Variants in NOL4 observed in about 807,000 individuals in gnomAD.
NOL4 encodes the protein nucleolar protein 4, also known as cancer/testis antigen 125.
NOL4 carries 17 observed loss-of-function variants against 75.9 expected under a neutral mutation model. The observed-to-expected ratio is 0.22, with a 90% CI of 0.15 to 0.34. The LOEUF (loss-of-function observed/expected upper bound fraction) is 0.34. Among genes scored for constraint, NOL4 ranks in the 10% least tolerant of loss-of-function variants. NOL4 has a pLI of 1.00. For synonymous variants in NOL4, 292 were observed against 289.9 expected (o/e 1.01, Z -0.07); for missense variants, 614 against 793.5 (o/e 0.77, Z 2.72).
intron 6 of NOL4, among the ~76,000 whole-genome samples, chr18:33,981,642 G>A (rs919332550): frequency 2.0e-5 from 3 of 152,068 alleles, no homozygotes; most frequent in Admixed American, 6.6e-5. Context: ...AAAATAATAA[G>A]AGAATGTGTT....
intron 6 of NOL4, among the ~76,000 whole-genome samples, chr18:33,970,230 C>T (rs2070943607): frequency 1.3e-5 from 2 of 152,092 alleles, no homozygotes; most frequent in South Asian, 4.1e-4. Flanking sequence ...TATATTTATC[C>T]ATTCTAAAAA....
At position 34,104,152 on chromosome 18, in the gene NOL4, T is replaced by C. The variant is rs567359597; in HGVS notation, c.534A>G (p.Gly178=). 1 of 1,603,838 alleles carries C rather than the reference T, an allele frequency of 6.2e-7. No individual in the cohort carries two copies. Among genetic ancestry groups the C allele is most frequent in the South Asian group, 1.1e-5 (1 of 90,806 alleles). ...NPDGTDHKDN[G]KPPTLVTSMI... ...TGCTGGTCACCAAAGTGGGAGGTTT[T>C]CCATTATCTGTAATAAAACATTTTT... The change falls in exon 4 of 11, where the codon GGA becomes GGG. Residue 178 remains glycine (G), a synonymous_variant. Transcript: ENST00000261592.
intron 5 of NOL4, among the ~76,000 whole-genome samples, chr18:34,035,546 A>G (rs1404657737): frequency 3.3e-5 from 5 of 152,186 alleles, no homozygotes; most frequent in South Asian, 2.1e-4. Context: ...AATAATGTAG[A>G]TTTCAAATAA....
At chr18:34,187,006 TCA>T (rs2034510996) in intron 1 of NOL4, among the ~76,000 whole-genome samples, 1 of 152,184 alleles carries the variant, frequency 6.6e-6, no homozygotes, top group Admixed American at 6.5e-5. Flanking sequence ...GGTACTTCCA[TCA>T]CAGTTGATGA....
intron 7 of NOL4, 56 bp from the exon 8 acceptor site, chr18:33,957,573 C>G: frequency 7.5e-7 from 1 of 1,336,836 alleles, no homozygotes; most frequent in African/African-American, 1.5e-5. Flanking sequence ...CTCTTCTGTT[C>G]CTAGCTTCCT....
At chr18:34,154,301 T>C (rs2029927743) in intron 1 of NOL4, among the ~76,000 whole-genome samples, 1 of 152,040 alleles carries the variant, frequency 6.6e-6, no homozygotes, top group Admixed American at 6.6e-5. Context: ...TTAATGAATG[T>C]ACACATTAAA....
rs1380109140 is a variant in NOL4, at chr18:34,001,988, A to T, written c.1056+17330T>A. Among the ~76,000 whole-genome samples the T allele has an allele frequency of 2.6e-5, 4 of 152,248 alleles. No homozygotes were observed. The East Asian group carries it at 5.8e-4, about 22-fold the overall frequency. ...GTCACAGCAGCTTGAGGCCAGTGCC[A>T]TCCACACAGAAACCTACCTTAGTGA... On this transcript the variant is annotated intron_variant, in intron 6 of 10. Coordinates refer to ENST00000261592, the MANE Select transcript of NOL4 (RefSeq NM_003787.5).
chr18:33,977,306 A>C (rs1051715434), intron 6 of NOL4, among the ~76,000 whole-genome samples: 1 of 152,134 alleles, frequency 6.6e-6, no homozygotes, highest in Non-Finnish European at 1.5e-5. Flanking sequence ...AATTGTAGCA[A>C]CCATAATCCC....
chr18:33,860,245 G>A (rs573665341), intron 10 of NOL4, among the ~76,000 whole-genome samples: 1 of 152,144 alleles, frequency 6.6e-6, no homozygotes, highest in African/African-American at 2.4e-5. Flanking sequence ...AATTTGAGAG[G>A]AGATTTGGGT....
chr18:34,094,629 C>T (rs965640632), intron 4 of NOL4, among the ~76,000 whole-genome samples: 4 of 152,100 alleles, frequency 2.6e-5, no homozygotes, highest in Admixed American at 2.0e-4. Context: ...CTGGAAGGCC[C>T]GGGAAACCTG....
intron 10 of NOL4, among the ~76,000 whole-genome samples, chr18:33,880,215 G>GT (rs1236777872): frequency 6.6e-6 from 1 of 151,562 alleles, no homozygotes; most frequent in Non-Finnish European, 1.5e-5. Context: ...TTTATATATT[G>GT]ACCTGCTAAT....
chr18:34,170,236 G>A (rs1412059600), intron 1 of NOL4, among the ~76,000 whole-genome samples: 1 of 150,032 alleles, frequency 6.7e-6, no homozygotes, highest in Non-Finnish European at 1.5e-5. Flanking sequence ...GAAGTACAAT[G>A]GCATGATCTC....
At chr18:33,960,813 G>T (rs1166835254) in intron 6 of NOL4, among the ~76,000 whole-genome samples, 1 of 151,976 alleles carries the variant, frequency 6.6e-6, no homozygotes, top group Non-Finnish European at 1.5e-5. Context: ...TACTTATGAG[G>T]TTATTGTTAT....
intron 1 of NOL4, among the ~76,000 whole-genome samples, chr18:34,203,204 A>G (rs988084379): frequency 6.6e-6 from 1 of 152,070 alleles, no homozygotes; most frequent in African/African-American, 2.4e-5. Context: ...GTTATGTGCT[A>G]TATAGGTCCA....
rs186115042 is a variant in NOL4 at position 33,943,234 on chromosome 18, C to T, written c.1429-56G>A. 3 of 1,151,554 alleles carry T rather than the reference C, an allele frequency of 2.6e-6. No individual in the cohort carries two copies. The East Asian group carries it at 7.2e-5, about 28-fold the overall frequency. 71.3% of individuals were successfully genotyped at this position (1,151,554 alleles called of 1,614,324 possible). A position where few individuals can be genotyped will look rare whatever the true frequency, so the allele number is the denominator to read the frequency against. ...AATTATTAACAGTATCATTAACAGG[C>T]CAATGCTATTCTCAGAAGAGCTCTC... On this transcript the variant is annotated intron_variant, in intron 8 of 10. Transcript: ENST00000261592.
intron 9 of NOL4, among the ~76,000 whole-genome samples, chr18:33,919,995 A>G (rs774668066): frequency 2.6e-5 from 4 of 152,216 alleles, no homozygotes; most frequent in Non-Finnish European, 4.4e-5. Flanking sequence ...TTCATGAAAG[A>G]GCAATCATGT....
chr18:33,906,596 T>C (rs544783697), intron 9 of NOL4, among the ~76,000 whole-genome samples: 2 of 152,340 alleles, frequency 1.3e-5, no homozygotes, highest in African/African-American at 4.8e-5. Flanking sequence ...TTAATGGGTG[T>C]TGTATCTTCG....
intron 2 of NOL4, among the ~76,000 whole-genome samples, chr18:34,109,505 G>A (rs946572969): frequency 6.6e-6 from 1 of 151,862 alleles, no homozygotes; most frequent in East Asian, 1.9e-4. Flanking sequence ...AGTGACAGAG[G>A]GAGAGCCTGT....
At chr18:33,887,633 T>C (rs1489362132) in intron 9 of NOL4, among the ~76,000 whole-genome samples, 2 of 151,784 alleles carry the variant, frequency 1.3e-5, no homozygotes, top group African/African-American at 4.8e-5. Flanking sequence ...TGTATTCTCA[T>C]TGTTCAGCTC....
Sources: gnomAD v4.1 joint callset for allele counts (sites outside exome capture counted in the v4.1 genomes callset) on GRCh38, gnomAD v4.1.1 for gene constraint, MANE v1.5 for transcripts, NCBI Gene and HGNC (gene_info 2026-07-23, HGNC 2026-07-21) for gene names.